LPIN1: variants seen among roughly 807,000 people sequenced by gnomAD.
The protein encoded by LPIN1 is phosphatidate phosphatase LPIN1.
A neutral mutation model predicts 107.5 loss-of-function variants in LPIN1; 71 were observed. That is an observed-to-expected ratio of 0.66 (90% CI 0.55 to 0.80). The LOEUF (loss-of-function observed/expected upper bound fraction) is 0.80, where lower values mean the gene tolerates loss of function less well. Among genes scored for constraint, LPIN1 ranks in the 30% least tolerant of loss-of-function variants. LPIN1 has a pLI of 0.00. For synonymous variants in LPIN1, 445 were observed against 452.6 expected (o/e 0.98, Z 0.21); for missense variants, 1,043 against 1,160.6 (o/e 0.90, Z 1.47).
Position 11,765,498 on chromosome 2 carries a change from G to A in LPIN1, c.-9-35G>A, listed in dbSNP as rs1372571285. 2 of 1,554,904 alleles carry A rather than the reference G, an allele frequency of 1.3e-6. No individual in the cohort carries two copies. Among genetic ancestry groups the A allele is most frequent in the East Asian group, 2.3e-5 (1 of 44,226 alleles). ...ATTGGCTCTTCCTTGGATTAATTGT[G>A]TGTCTGTGTGTGTTTTTTTTTGTCT... On this transcript the variant is annotated intron_variant, in intron 1 of 20. Coordinates refer to ENST00000674199, the MANE Select transcript of LPIN1 (RefSeq NM_001349206.2). This position sits in a 1 kb window ranked among gnomAD's most constrained non-coding sequence, Gnocchi z 4.4.
At chr2:11,755,263 G>A (rs1034235739) in intron 1 of LPIN1, among the ~76,000 whole-genome samples, 2 of 152,072 alleles carry the variant, frequency 1.3e-5, no homozygotes, top group Non-Finnish European at 2.9e-5. Context: ...CACCGCGCCC[G>A]GCCATTTCTT....
intron 20 of LPIN1, chr2:11,823,027 T>G (rs1201583327): frequency 3.3e-5 from 5 of 152,226 alleles, no homozygotes; most frequent in Admixed American, 3.3e-4. Context: ...AAGCTCACAT[T>G]TCTCTGGCGC....
chr2:11,678,545 AG>A (rs1419156883), intron 1 of LPIN1, among the ~76,000 whole-genome samples: 1 of 152,194 alleles, frequency 6.6e-6, no homozygotes, highest in East Asian at 1.9e-4. Flanking sequence ...CTTAGGGGGC[AG>A]GGAGACCCGG....
At chr2:11,779,721 C>T (rs1291462904) in intron 7 of LPIN1, 76 bp downstream of exon 7, 42 of 1,588,568 alleles carry the variant, frequency 2.6e-5, no homozygotes, top group Non-Finnish European at 3.2e-5. Context: ...AGTATCATAG[C>T]ATAGCCAAGA....
At chr2:11,680,294 A>G (rs1474298376) in intron 1 of LPIN1, among the ~76,000 whole-genome samples, 1 of 152,092 alleles carries the variant, frequency 6.6e-6, no homozygotes, top group Non-Finnish European at 1.5e-5. Context: ...GAGCCCTCGG[A>G]GGCACCTGCT....
chr2:11,806,703 A>C (rs1678750431), intron 17 of LPIN1, among the ~76,000 whole-genome samples: 1 of 152,220 alleles, frequency 6.6e-6, no homozygotes, highest in Admixed American at 6.5e-5. Flanking sequence ...ATACTTCTTA[A>C]GACATAAAAA....
intron 1 of LPIN1, among the ~76,000 whole-genome samples, chr2:11,703,612 C>T (rs1278214982): frequency 1.3e-5 from 2 of 152,128 alleles, no homozygotes; most frequent in South Asian, 2.1e-4. Flanking sequence ...ATCAAACTCA[C>T]GGAAGTACAA....
intron 7 of LPIN1, among the ~76,000 whole-genome samples, chr2:11,780,189 C>T (rs1293274118): frequency 6.6e-6 from 1 of 152,224 alleles, no homozygotes; most frequent in Non-Finnish European, 1.5e-5. Flanking sequence ...CCAGGATCTA[C>T]ATTTTCTATC....
At chr2:11,693,891 A>G (rs1471905471) in intron 1 of LPIN1, among the ~76,000 whole-genome samples, 1 of 129,192 alleles carries the variant, frequency 7.7e-6, no homozygotes, top group Non-Finnish European at 1.6e-5. Context: ...CTGGAGTGCA[A>G]TAGCAAGATC....
chr2:11,713,829 T>A, intron 2 of LPIN1: 1 of 1,485,868 alleles, frequency 6.7e-7, no homozygotes, highest in East Asian at 2.5e-5. Context: ...GCCGCTGTGA[T>A]AGAATGTCGT....
chr2:11,758,904 TA>T (rs1276098069), intron 1 of LPIN1, among the ~76,000 whole-genome samples: 5 of 152,218 alleles, frequency 3.3e-5, no homozygotes, highest in Non-Finnish European at 7.3e-5. Context: ...GAACAACAAC[TA>T]AGGATCCCTT....
In LPIN1 at chr2:11,799,537, C is replaced by A. The variant is rs144940354; in HGVS notation, c.1887-3370C>A. 3.3e-3 allele frequency among the ~76,000 whole-genome samples: 502 copies of A among 152,024 alleles called. 1 individual carries two copies. The highest frequency in any genetic ancestry group is 4.7e-3 in the Non-Finnish European group (321 of 67,964). The stretch of plus-strand genomic sequence containing the variant: ...AGCTCCAGGACCACATTTACCCCAT[C>A]TGAAAACCTCCAGATTGTTGGTTCA... On this transcript the variant is annotated intron_variant, in intron 14 of 20. Coordinates refer to ENST00000674199, the MANE Select transcript of LPIN1 (RefSeq NM_001349206.2).
chr2:11,742,459 A>G (rs996591572), upstream of LPIN1, among the ~76,000 whole-genome samples: 3 of 152,168 alleles, frequency 2.0e-5, no homozygotes, highest in Non-Finnish European at 4.4e-5. Flanking sequence ...GTGCTGCTTA[A>G]GGCTGTGACA....
At chr2:11,808,145 T>G (rs1380169893) in intron 17 of LPIN1, among the ~76,000 whole-genome samples, 2 of 152,150 alleles carry the variant, frequency 1.3e-5, no homozygotes, top group Non-Finnish European at 2.9e-5. Context: ...TCAGCTCTGG[T>G]CTCTTCCCCG....
chr2:11,803,750 C>G lies in LPIN1; in HGVS notation c.2014-673C>G, dbSNP rs998821480. 6.6e-6 allele frequency among the ~76,000 whole-genome samples: 1 copy of G among 152,006 alleles called. No homozygotes were observed. Among genetic ancestry groups the G allele is most frequent in the African/African-American group, 2.4e-5 (1 of 41,394 alleles). ...TGACTCACTGCTCCCACTGGCGACACTGGGGACACCTGCAGTCAGGCAGCC... is the reference window on the plus strand; with the variant it reads ...TGACTCACTGCTCCCACTGGCGACAGTGGGGACACCTGCAGTCAGGCAGCC... On this transcript the variant is annotated intron_variant, in intron 15 of 20. Coordinates refer to ENST00000674199, the MANE Select transcript of LPIN1 (RefSeq NM_001349206.2). The surrounding 1 kb of genome is among the most constrained non-coding windows in gnomAD (Gnocchi z 4.2).
At chr2:11,693,786 GTGTATATA>G (rs1305697093) in intron 1 of LPIN1, among the ~76,000 whole-genome samples, 9 of 44,038 alleles carry the variant, frequency 2.0e-4, no homozygotes, top group African/African-American at 9.2e-4. Context: ...GTGTGTGAGT[GTGTATATA>G]TATATATATA....
rs10182021 is a variant in LPIN1, at chr2:11,713,886, G to A, written c.138+74G>A. 149,578 of 1,095,936 alleles carry A rather than the reference G, an allele frequency of 0.14. 11,186 individuals carry two copies. Among genetic ancestry groups the A allele is most frequent in the East Asian group, 0.27 (10,488 of 38,704 alleles). The allele number at this position is 1,095,936 out of a possible 1,614,324, so 67.9% of individuals were successfully genotyped here. On this transcript the variant is annotated intron_variant, in intron 2 of 21. Coordinates refer to the LPIN1 transcript ENST00000449576. Reference sequence around the variant, plus strand: ...GATTAGAGAAAATACTCCATGTCCAGCTGTGGTTTGTCGCCATGGCTATCT... The same window carrying A: ...GATTAGAGAAAATACTCCATGTCCAACTGTGGTTTGTCGCCATGGCTATCT...
intron 1 of LPIN1, among the ~76,000 whole-genome samples, chr2:11,756,982 C>G (rs564772086): frequency 6.6e-6 from 1 of 152,246 alleles, no homozygotes; most frequent in African/African-American, 2.4e-5. Context: ...TCTGAAAATC[C>G]ACAGTTAGAG....
At chr2:11,760,488 C>T (rs1281813247) in intron 1 of LPIN1, among the ~76,000 whole-genome samples, 3 of 152,224 alleles carry the variant, frequency 2.0e-5, no homozygotes, top group Admixed American at 6.5e-5. Flanking sequence ...GAGACCAGCC[C>T]GGCCAACACA....
Sources: gnomAD v4.1 joint callset for allele counts (sites outside exome capture counted in the v4.1 genomes callset) on GRCh38, gnomAD v4.1.1 for gene constraint, Gnocchi (gnomAD v3.1) non-coding constraint, MANE v1.5 for transcripts, NCBI Gene and HGNC (gene_info 2026-07-23, HGNC 2026-07-21) for gene names.